SLC26A7: variants seen among roughly 807,000 people sequenced by gnomAD.
The protein encoded by SLC26A7 is anion exchange transporter.
SLC26A7 carries 59 observed loss-of-function variants against 82.5 expected under a neutral mutation model. The ratio of observed to expected loss-of-function variants is 0.72; its 90% CI spans 0.58 to 0.89. The LOEUF is 0.89. Among genes scored for constraint, SLC26A7 ranks in the 40% least tolerant of loss-of-function variants. The pLI, the probability that SLC26A7 is intolerant of heterozygous loss-of-function variation, is 0.00. For missense variants in SLC26A7, 820 were observed against 793.0 expected (o/e 1.03, Z -0.41); for synonymous variants, 271 against 274.3 (o/e 0.99, Z 0.12).
At chr8:91,277,387 T>C (rs770845462) in intron 2 of SLC26A7, among the ~76,000 whole-genome samples, 6 of 152,206 alleles carry the variant, frequency 3.9e-5, no homozygotes, top group Non-Finnish European at 8.8e-5. Context: ...TTGCATATGC[T>C]CCTTTCAAAG....
At chr8:91,358,742 T>A (rs1813956696) in intron 11 of SLC26A7, among the ~76,000 whole-genome samples, 1 of 152,178 alleles carries the variant, frequency 6.6e-6, no homozygotes, top group African/African-American at 2.4e-5. Flanking sequence ...CATGGAATAC[T>A]ATGCAGCCAT....
At chr8:91,308,226 A>G (rs548731120) in intron 4 of SLC26A7, among the ~76,000 whole-genome samples, 4 of 151,164 alleles carry the variant, frequency 2.6e-5, no homozygotes, top group African/African-American at 9.7e-5. Flanking sequence ...GATTGGCGTT[A>G]TATGTTTTTA....
Position 91,395,113 on chromosome 8 carries a change from G to A in SLC26A7, c.*16G>A. ...TGAAGTCTGAGACCCTTTTGTCACA[G>A]TACAGCTCTTGTCTTTACCAACTGC... On this transcript the variant is annotated 3_prime_UTR_variant, in exon 19 of 19. Transcript: ENST00000276609. 6.2e-7 allele frequency: 1 copy of A among 1,613,168 alleles called. No homozygotes were observed. Among genetic ancestry groups the A allele is most frequent in the East Asian group, 2.2e-5 (1 of 44,852 alleles).
At chr8:91,260,066 G>T (rs999264633) in intron 2 of SLC26A7, among the ~76,000 whole-genome samples, 9 of 152,014 alleles carry the variant, frequency 5.9e-5, no homozygotes, top group African/African-American at 2.2e-4. Flanking sequence ...ATTCATATTT[G>T]ATTGAGCACT....
intron 10 of SLC26A7, among the ~76,000 whole-genome samples, chr8:91,352,227 C>CT (rs1813736880): frequency 6.6e-6 from 1 of 152,004 alleles, no homozygotes; most frequent in Non-Finnish European, 1.5e-5. Context: ...AACATATGTG[C>CT]TGGGGCAAGG....
At chr8:91,321,406 G>A (rs1812786496) in intron 5 of SLC26A7, among the ~76,000 whole-genome samples, 1 of 152,212 alleles carries the variant, frequency 6.6e-6, no homozygotes, top group Non-Finnish European at 1.5e-5. Flanking sequence ...GCGAAGCTCA[G>A]GTGGTTGGGC....
intron 2 of SLC26A7, among the ~76,000 whole-genome samples, chr8:91,251,782 C>T (rs890278522): frequency 6.6e-6 from 1 of 152,060 alleles, no homozygotes; most frequent in Admixed American, 6.6e-5. Flanking sequence ...AAAGCCAACA[C>T]TCAACATTTT....
At chr8:91,273,621 A>C (rs1811329820) in intron 2 of SLC26A7, among the ~76,000 whole-genome samples, 1 of 152,212 alleles carries the variant, frequency 6.6e-6, no homozygotes, top group Admixed American at 6.5e-5. Context: ...TTCAATAAGA[A>C]TATAACACTG....
chr8:91,245,962 T>G (rs1586317352), upstream of SLC26A7, among the ~76,000 whole-genome samples: 1 of 152,314 alleles, frequency 6.6e-6, no homozygotes, highest in South Asian at 2.1e-4. Context: ...TCCCATCTGG[T>G]TTTTCTTCTC....
rs542865304 is a variant in SLC26A7 at position 91,212,257 on chromosome 8, C to T, written c.-150+2715C>T. 9.2e-5 allele frequency among the ~76,000 whole-genome samples: 14 copies of T among 152,200 alleles called. No homozygotes were observed. In the South Asian group the frequency reaches 2.9e-3, roughly 32 times the overall value. On this transcript the variant is annotated intron_variant, in intron 1 of 5. Coordinates refer to the SLC26A7 transcript ENST00000522862. The stretch of plus-strand genomic sequence containing the variant: ...CTAACCTAAATAGTCTCATAAAATT[C>T]TTTCCAAACACTTGAGTGATCCTGT...
chr8:91,310,735 G>A (rs994219466), intron 4 of SLC26A7, among the ~76,000 whole-genome samples: 2 of 152,062 alleles, frequency 1.3e-5, no homozygotes, highest in Non-Finnish European at 2.9e-5. Context: ...CACCGCACAT[G>A]CTCCCCTCCC....
intron 1 of SLC26A7, among the ~76,000 whole-genome samples, chr8:91,213,366 G>A (rs1809971918): frequency 6.6e-6 from 1 of 152,148 alleles, no homozygotes; most frequent in Admixed American, 6.6e-5. Context: ...CAGGAAACCA[G>A]GACTGTCCTT....
At chr8:91,330,413 T>C (rs1490490952) in intron 5 of SLC26A7, among the ~76,000 whole-genome samples, 3 of 152,148 alleles carry the variant, frequency 2.0e-5, no homozygotes, top group Non-Finnish European at 4.4e-5. Flanking sequence ...TTCTAAGAAA[T>C]ATAGTCCATA....
chr8:91,215,723 T>A (rs931091000), intron 1 of SLC26A7, among the ~76,000 whole-genome samples: 2 of 152,196 alleles, frequency 1.3e-5, no homozygotes, highest in Non-Finnish European at 2.9e-5. Context: ...GATATTTCAT[T>A]GAGTGCTTTG....
chr8:91,336,454 G>C lies in SLC26A7; in HGVS notation c.796-1696G>C, dbSNP rs188737983. Among the ~76,000 whole-genome samples the C allele has an allele frequency of 3.3e-5, 5 of 152,138 alleles. No individual in the cohort carries two copies. In the East Asian group the frequency reaches 9.7e-4, roughly 29 times the overall value. On this transcript the variant is annotated intron_variant, in intron 6 of 18. Coordinates refer to ENST00000276609, the MANE Select transcript of SLC26A7 (RefSeq NM_052832.4). The stretch of plus-strand genomic sequence containing the variant: ...GAAATCTAGGTTGCGTGCTTCTTAT[G>C]ATAATCTAGTGCCTGATAGACTGAG...
At chr8:91,393,734 A>C in intron 16 of SLC26A7, 63 bp from the exon 17 acceptor site, 1 of 1,556,834 alleles carries the variant, frequency 6.4e-7, no homozygotes, top group East Asian at 2.2e-5. Flanking sequence ...TCTGAAGCCC[A>C]TCTTATTTCC....
chr8:91,215,207 G>T (rs1241980207), intron 1 of SLC26A7, among the ~76,000 whole-genome samples: 1 of 152,044 alleles, frequency 6.6e-6, no homozygotes, highest in African/African-American at 2.4e-5. Flanking sequence ...CAGGAATTAG[G>T]ATGTGGACAT....
intron 5 of SLC26A7, among the ~76,000 whole-genome samples, chr8:91,323,105 A>C (rs1812836819): frequency 6.6e-6 from 1 of 152,204 alleles, no homozygotes; most frequent in African/African-American, 2.4e-5. Context: ...TGAATCAAGA[A>C]CATGCTTTGA....
chr8:91,313,005 A>G (rs577477259), intron 4 of SLC26A7, among the ~76,000 whole-genome samples: 10 of 152,058 alleles, frequency 6.6e-5, no homozygotes, highest in African/African-American at 9.7e-5. Context: ...ACGAAGCCCA[A>G]TTTGTTTAGT....
Sources: allele counts gnomAD v4.1 joint callset (sites outside exome capture counted in the v4.1 genomes callset), GRCh38; gene constraint gnomAD v4.1.1; transcripts MANE v1.5; gene names NCBI Gene and HGNC (gene_info 2026-07-23, HGNC 2026-07-21).